Variants in MEI1 observed in about 807,000 individuals in gnomAD.
MEI1 encodes the protein meiosis inhibitor protein 1.
Under a neutral mutation model 146.2 loss-of-function variants are expected in MEI1, and 103 were observed. That is an observed-to-expected ratio of 0.70 (90% CI 0.60 to 0.83). The LOEUF is 0.83. Ranked by LOEUF, MEI1 falls within the 40% of genes least tolerant of loss-of-function variation. The pLI is 0.00. For missense variants in MEI1, 1,529 were observed against 1,533.0 expected, an observed-to-expected ratio of 1.00 and a Z score of 0.04; for synonymous variants, 652 against 628.2, an observed-to-expected ratio of 1.04 and a Z score of -0.57.
Position 41,770,820 on chromosome 22 carries a change from G to T in MEI1, c.2403G>T (p.Leu801=). Residue 801 remains leucine (L), a synonymous_variant, in exon 20 of 31, where the codon CTG becomes CTT. Coordinates refer to ENST00000401548, the MANE Select transcript of MEI1 (RefSeq NM_152513.4). ...TGAGTAGGTATGGGCACCGTGTCCTGGAACTTTGGTTCTTCTGGGAAGAGA... is the reference window on the plus strand; with the variant it reads ...TGAGTAGGTATGGGCACCGTGTCCTTGAACTTTGGTTCTTCTGGGAAGAGA... The part of the protein sequence containing the change: ...ELMSRYGHRV[L]ELWFFWEESS... 6.2e-7 allele frequency: 1 copy of T among 1,613,936 alleles called. No homozygotes were observed. The highest frequency in any genetic ancestry group is 1.7e-5 in the Admixed American group (1 of 60,008).
At chr22:41,709,338 C>A (rs2069353843) in intron 3 of MEI1, 2 of 762,984 alleles carry the variant, frequency 2.6e-6, no homozygotes, top group South Asian at 1.3e-5. Context: ...CCTTTGGGTA[C>A]CTTCTCTTCT....
Position 41,730,536 on chromosome 22 carries a change from ATCTT to A in MEI1, c.1000_1003del (p.Ser334LeufsTer14). 1 of 1,613,160 alleles carries A rather than the reference ATCTT, an allele frequency of 6.2e-7. No individual in the cohort carries two copies. The highest frequency in any genetic ancestry group is 8.5e-7 in the Non-Finnish European group (1 of 1,179,174). On this transcript the variant is annotated frameshift_variant, in exon 9 of 31. Transcript: ENST00000401548. LOFTEE classifies it high-confidence loss of function. ...CCCTTGTTAGAGTTCCTCTTTGAGC[ATCTT>A]TCTTCTTCCAGTGAAGTGCTCGTCT...
intron 6 of MEI1, among the ~76,000 whole-genome samples, chr22:41,723,507 G>T (rs573855556): frequency 6.6e-6 from 1 of 152,094 alleles, no homozygotes; most frequent in Non-Finnish European, 1.5e-5. Flanking sequence ...GAGCCACCAC[G>T]CCTGGTCTTG....
intron 4 of MEI1, among the ~76,000 whole-genome samples, chr22:41,715,701 A>T (rs1569162148): frequency 2.7e-5 from 4 of 147,018 alleles, no homozygotes. Flanking sequence ...GCCAACAATA[A>T]TTTTTTTTTT....
chr22:41,745,646 A>G (rs935649963), intron 13 of MEI1, among the ~76,000 whole-genome samples: 2 of 152,130 alleles, frequency 1.3e-5, no homozygotes, highest in Non-Finnish European at 2.9e-5. Context: ...GGGGAAATAC[A>G]CACAATGGGG....
intron 11 of MEI1, among the ~76,000 whole-genome samples, chr22:41,734,490 G>A (rs2072153238): frequency 6.6e-6 from 1 of 152,136 alleles, no homozygotes. Flanking sequence ...TTACTCAGGA[G>A]GCTGAGGAAG....
chr22:41,758,748 C>G (rs911447040), intron 18 of MEI1, among the ~76,000 whole-genome samples: 4 of 152,198 alleles, frequency 2.6e-5, no homozygotes, highest in African/African-American at 9.7e-5. Context: ...CCTAGAAAGC[C>G]AGTGAGTATT....
At chr22:41,758,689 T>C in intron 18 of MEI1, 156 bp downstream of exon 18, 1 of 746,446 alleles carries the variant, frequency 1.3e-6, no homozygotes, top group Non-Finnish European at 2.1e-6. Context: ...GCTCATATCT[T>C]AGAAGTGGGT....
At chr22:41,750,142 G>T (rs2073650503) in intron 15 of MEI1, among the ~76,000 whole-genome samples, 1 of 152,220 alleles carries the variant, frequency 6.6e-6, no homozygotes, top group Admixed American at 6.5e-5. Context: ...CTGTCCTTGT[G>T]AGGCTGACTC....
At chr22:41,718,015 A>G (rs1601709233) in intron 5 of MEI1, 56 bp from the exon 6 acceptor site, 3 of 1,354,714 alleles carry the variant, frequency 2.2e-6, no homozygotes, top group East Asian at 2.3e-5. Context: ...TTGGAGTTTC[A>G]TATAGCAGTT....
chr22:41,719,999 C>G (rs1037431654), intron 6 of MEI1, among the ~76,000 whole-genome samples: 2 of 152,140 alleles, frequency 1.3e-5, no homozygotes, highest in African/African-American at 2.4e-5. Context: ...ATAGCTGGCC[C>G]TGTGCTGGGC....
Position 41,785,913 on chromosome 22 carries a change from T to TA in MEI1, c.3345+1130_3345+1131insA, listed in dbSNP as rs139548. Among the ~76,000 whole-genome samples, 19 of 108,824 alleles carry TA rather than the reference T, an allele frequency of 1.7e-4. 2 individuals are homozygous for TA. The highest frequency in any genetic ancestry group is 5.8e-4 in the South Asian group (2 of 3,470). 71.4% of individuals were successfully genotyped at this position (108,824 alleles called of 152,430 possible). A position where few individuals can be genotyped will look rare whatever the true frequency, so the allele number is the denominator to read the frequency against. Reference sequence around the variant, plus strand: ...TTTTTTTATTTTTTTATTTTTTATTTTATTTTTTTTTTTTTGAGACGGAGT... The same window carrying TA: ...TTTTTTTATTTTTTTATTTTTTATTTATATTTTTTTTTTTTTGAGACGGAGT... On this transcript the variant is annotated intron_variant, in intron 26 of 30. Transcript: ENST00000401548.
intron 19 of MEI1, among the ~76,000 whole-genome samples, chr22:41,765,047 C>T (rs1377305419): frequency 6.6e-6 from 1 of 152,158 alleles, no homozygotes; most frequent in Non-Finnish European, 1.5e-5. Context: ...TCTTGTTTCC[C>T]AGGCTGGAGT....
chr22:41,775,619 A>T (rs760014443), intron 20 of MEI1, among the ~76,000 whole-genome samples: 103 of 136,178 alleles, frequency 7.6e-4, no homozygotes, highest in Non-Finnish European at 1.4e-3. Flanking sequence ...TTTGAGACAG[A>T]GTTTTGCTCT....
intron 20 of MEI1, among the ~76,000 whole-genome samples, chr22:41,775,734 C>T (rs2075405183): frequency 2.0e-5 from 3 of 151,734 alleles, no homozygotes; most frequent in Non-Finnish European, 4.4e-5. Context: ...GCTGGGACTA[C>T]AGGCACTTGC....
chr22:41,740,462 C>T (rs931717029), intron 11 of MEI1, among the ~76,000 whole-genome samples: 2 of 152,002 alleles, frequency 1.3e-5, no homozygotes, highest in Non-Finnish European at 2.9e-5. Context: ...TTTAAAGAGG[C>T]CGGGTATAGT....
chr22:41,756,914 CAGA>C, intron 17 of MEI1, among the ~76,000 whole-genome samples: 1 of 152,372 alleles, frequency 6.6e-6, no homozygotes, highest in Middle Eastern at 3.4e-3. Context: ...AGTCCAACTG[CAGA>C]TTACATCACA....
intron 20 of MEI1, among the ~76,000 whole-genome samples, chr22:41,773,985 C>T (rs2148075739): frequency 6.6e-6 from 1 of 152,330 alleles, no homozygotes; most frequent in African/African-American, 2.4e-5. Context: ...GAAAAAGAGT[C>T]TAAAAATTTT....
chr22:41,716,123 C>T lies in MEI1; in HGVS notation c.506C>T (p.Ala169Val), dbSNP rs200602302. The change falls in exon 5 of 31, where the codon GCA becomes GTA. Residue 169 changes from alanine (A) to valine (V), a missense_variant. Around this residue, in one of 3 missense-constraint regions of MEI1, gnomAD observed 1,212 missense variants for 1,178.9 expected, o/e 1.03. Transcript: ENST00000401548. ...TTGGTGGATGCCATCCCTGCTCTGG[C>T]AGACGAGCTTGTAATGGAGCATGGT... is the stretch of plus-strand genomic sequence containing the variant. ...GKLVDAIPAL[A>V]DELVMEHGNL... is the part of the protein sequence containing the mutation. 7.0e-5 allele frequency: 112 copies of T among 1,609,552 alleles called. No homozygotes were observed. The African/African-American group carries it at 1.2e-3, about 18-fold the overall frequency.
Sources: allele counts gnomAD v4.1 joint callset (sites outside exome capture counted in the v4.1 genomes callset), GRCh38; gene constraint gnomAD v4.1.1; regional missense constraint gnomAD v4.1.1; transcripts MANE v1.5; gene names NCBI Gene and HGNC (gene_info 2026-07-23, HGNC 2026-07-21).